The following TMEM42 variants were observed in gnomAD, a reference collection of about 807,000 sequenced individuals.
The protein encoded by TMEM42 is transmembrane protein 42.
In TMEM42, 8 loss-of-function variants were observed where a neutral mutation model predicts 14.0. The ratio of observed to expected loss-of-function variants is 0.57; its 90% CI spans 0.34 to 1.03. The LOEUF (loss-of-function observed/expected upper bound fraction) is 1.03, where lower values mean the gene tolerates loss of function less well. TMEM42 is among the 50% of genes least tolerant of loss of function. The pLI is 0.03. For synonymous variants in TMEM42, 115 were observed against 94.3 expected, an observed-to-expected ratio of 1.22 and a Z score of -1.27; for missense variants, 211 against 219.8, an observed-to-expected ratio of 0.96 and a Z score of 0.25.
intron 1 of TMEM42, chr3:44,863,077 A>G (rs930719066): frequency 6.6e-6 from 1 of 151,998 alleles, no homozygotes; most frequent in African/African-American, 2.4e-5. Context: ...CAAATTTAAA[A>G]CATGAATTTT....
At chr3:44,864,952 G>A (rs1366374258) in intron 2 of TMEM42, 88 bp from the exon 3 acceptor site, 2 of 1,551,960 alleles carry the variant, frequency 1.3e-6, no homozygotes, top group East Asian at 2.3e-5. Flanking sequence ...TTTCCTCCTG[G>A]CACCCTTAGA....
chr3:44,864,891 TTGA>T lies in TMEM42; in HGVS notation c.340-145_340-143del. ...TGCAGGGGAGATTGAATAGAGTGAC[TTGA>T]TGAAGGTGACAGCTAGGTTTCAAGC... On this transcript the variant is annotated intron_variant, in intron 2 of 2. Coordinates refer to ENST00000302392, the MANE Select transcript of TMEM42 (RefSeq NM_144638.3). 3.0e-6 allele frequency: 3 copies of T among 992,944 alleles called. No individual in the cohort carries two copies. In the South Asian group the frequency reaches 4.9e-5, roughly 16 times the overall value. The allele number at this position is 992,944 out of a possible 1,614,324, so 61.5% of individuals were successfully genotyped here. A position where few individuals can be genotyped will look rare whatever the true frequency, so the allele number is the denominator to read the frequency against.
Position 44,865,393 on chromosome 3 carries a change from T to A in TMEM42, c.*213T>A. The A allele has an allele frequency of 1.7e-6, 1 of 597,796 alleles. No individual in the cohort carries two copies. Among genetic ancestry groups the A allele is most frequent in the Non-Finnish European group, 2.8e-6 (1 of 352,142 alleles). 37.0% of individuals were successfully genotyped at this position (597,796 alleles called of 1,614,324 possible). Reference sequence around the variant, plus strand: ...GGAAGTGTTTTGATCATCTGTACAGTGCTTTGGATTCTTCCTCCCAGGCCT... The same window carrying A: ...GGAAGTGTTTTGATCATCTGTACAGAGCTTTGGATTCTTCCTCCCAGGCCT... On this transcript the variant is annotated 3_prime_UTR_variant, in exon 3 of 3. Transcript: ENST00000302392.
intron 2 of TMEM42, 37 bp downstream of exon 2, chr3:44,864,380 T>C (rs376739462): frequency 1.2e-6 from 2 of 1,612,420 alleles, no homozygotes; most frequent in African/African-American, 2.7e-5. Context: ...TTGTCCTAAA[T>C]CTGGGTTCTG....
intron 1 of TMEM42, chr3:44,863,825 C>T (rs971367046): frequency 8.9e-6 from 2 of 223,780 alleles, no homozygotes; most frequent in East Asian, 9.1e-5. Flanking sequence ...AGGCTTACTA[C>T]CTACGGAGTA....
chr3:44,862,311 C>CA (rs1559602025), intron 1 of TMEM42, 195 bp downstream of exon 1: 1 of 195,168 alleles, frequency 5.1e-6, no homozygotes, highest in Non-Finnish European at 9.4e-6. Flanking sequence ...GCTGGGGTGG[C>CA]AGAGAGTGTT....
intron 1 of TMEM42, chr3:44,863,306 C>CCA (rs1553668746): frequency 9.3e-6 from 1 of 107,006 alleles, no homozygotes; most frequent in Non-Finnish European, 2.2e-5. Context: ...CCGCACCCCC[C>CCA]CCCCCCGCCG....
chr3:44,862,299 C>A, intron 1 of TMEM42, 183 bp downstream of exon 1: 1 of 216,020 alleles, frequency 4.6e-6, no homozygotes, highest in Non-Finnish European at 8.0e-6. Context: ...GCGCTGCGGT[C>A]AGCTGGGGTG....
chr3:44,862,136 T>C lies in TMEM42; in HGVS notation c.192+20T>C. 4.9e-6 allele frequency: 1 copy of C among 202,072 alleles called. No individual in the cohort carries two copies. The highest frequency in any genetic ancestry group is 7.7e-6 in the Non-Finnish European group (1 of 129,044). 12.5% of individuals were successfully genotyped at this position (202,072 alleles called of 1,614,324 possible). On this transcript the variant is annotated intron_variant, in intron 1 of 2. Transcript: ENST00000302392. ...AGCGAGGTCGAGCCCGGGGCGCTGTTGGTGCTGCTGCTGCGGGCGGGCGGG... is the reference window on the plus strand; with the variant it reads ...AGCGAGGTCGAGCCCGGGGCGCTGTCGGTGCTGCTGCTGCGGGCGGGCGGG...
Position 44,863,307 on chromosome 3 carries a change from C to T in TMEM42, c.193-890C>T, listed in dbSNP as rs546090477. The T allele has an allele frequency of 1.8e-5, 2 of 108,890 alleles. 1 individual carries two copies. Among genetic ancestry groups the T allele is most frequent in the African/African-American group, 5.9e-5 (2 of 34,132 alleles). 6.7% of individuals were successfully genotyped at this position (108,890 alleles called of 1,614,324 possible). A position where few individuals can be genotyped will look rare whatever the true frequency, so the allele number is the denominator to read the frequency against. On this transcript the variant is annotated intron_variant, in intron 1 of 2. Coordinates refer to ENST00000302392, the MANE Select transcript of TMEM42 (RefSeq NM_144638.3). Reference sequence around the variant, plus strand: ...AGTATATTTAGATTCCGCACCCCCCCCCCCCGCCGCCTTGTCTCCAGGCAG... The same window carrying T: ...AGTATATTTAGATTCCGCACCCCCCTCCCCCGCCGCCTTGTCTCCAGGCAG...
At chr3:44,864,925 G>A in intron 2 of TMEM42, 115 bp from the exon 3 acceptor site, 1 of 1,400,150 alleles carries the variant, frequency 7.1e-7, no homozygotes, top group Non-Finnish European at 9.8e-7. Context: ...CAAGCCCAAG[G>A]CTTCTGGCTC....
Position 44,864,318 on chromosome 3 carries a change from T to C in TMEM42, c.314T>C (p.Val105Ala). 5.6e-6 allele frequency: 9 copies of C among 1,614,208 alleles called. No individual in the cohort carries two copies. The highest frequency in any genetic ancestry group is 7.6e-6 in the Non-Finnish European group (9 of 1,180,028). ...TCTTCAGCCATTGCATCTGTCACAGTGACTTTTTCAAATATCCTCAGCTCG... is the reference window on the plus strand; with the variant it reads ...TCTTCAGCCATTGCATCTGTCACAGCGACTTTTTCAAATATCCTCAGCTCG... ...SMSSAIASVT[V>A]TFSNILSSAF... Residue 105 changes from valine (V) to alanine (A), a missense_variant, in exon 2 of 3, where the codon GTG becomes GCG. By Grantham distance (64) the Val-to-Ala change is moderately conservative (BLOSUM62 0). Coordinates refer to ENST00000302392, the MANE Select transcript of TMEM42 (RefSeq NM_144638.3).
At position 44,865,473 on chromosome 3, in the gene TMEM42, A is replaced by C; in HGVS notation, c.*293A>C. On this transcript the variant is annotated 3_prime_UTR_variant, in exon 3 of 3. Transcript: ENST00000302392. ...ATCCTGGGGTTGGTCTGCTTTGTGT[A>C]TGGTACTTGAAACCACGCTGTAATT... The C allele has an allele frequency of 2.5e-6, 1 of 394,096 alleles. No individual in the cohort carries two copies. The highest frequency in any genetic ancestry group is 4.7e-6 in the Non-Finnish European group (1 of 212,062). The allele number at this position is 394,096 out of a possible 1,614,324, so 24.4% of individuals were successfully genotyped here.
In TMEM42 at chr3:44,861,987, C is replaced by G. The variant is rs1426431620; in HGVS notation, c.63C>G (p.Pro21=). ...AVSATAYPDT[P]AEFPPHLQAG... ...CCGCGACCGCGTACCCTGACACCCC[C>G]GCGGAATTCCCTCCGCACCTCCAGG... The change falls in exon 1 of 3, where the codon CCC becomes CCG. Residue 21 remains proline, a synonymous_variant. Transcript: ENST00000302392. 1 of 1,382,544 alleles carries G rather than the reference C, an allele frequency of 7.2e-7. No homozygotes were observed. Among genetic ancestry groups the G allele is most frequent in the African/African-American group, 1.5e-5 (1 of 65,906 alleles). The allele number at this position is 1,382,544 out of a possible 1,614,324, so 85.6% of individuals were successfully genotyped here. A position where few individuals can be genotyped will look rare whatever the true frequency, so the allele number is the denominator to read the frequency against.
chr3:44,863,593 G>T (rs904877552), intron 1 of TMEM42: 2 of 152,598 alleles, frequency 1.3e-5, no homozygotes, highest in African/African-American at 4.8e-5. Context: ...CTTTAGGAAG[G>T]TTACTTAATG....
At chr3:44,863,475 A>G (rs1699286120) in intron 1 of TMEM42, 1 of 152,156 alleles carries the variant, frequency 6.6e-6, no homozygotes, top group African/African-American at 2.4e-5. Context: ...GTCTGGGATC[A>G]CTAAATAGTC....
At chr3:44,862,255 C>T (rs1051732884) in intron 1 of TMEM42, 139 bp downstream of exon 1, 7 of 556,768 alleles carry the variant, frequency 1.3e-5, no homozygotes, top group African/African-American at 4.1e-5. Context: ...GCACCCTCGC[C>T]GGTCTGTCCC....
chr3:44,864,964 G>A, intron 2 of TMEM42, 76 bp from the exon 3 acceptor site: 1 of 1,583,338 alleles, frequency 6.3e-7, no homozygotes, highest in Non-Finnish European at 8.6e-7. Context: ...ACCCTTAGAA[G>A]GAAGTCAGTC....
chr3:44,863,649 A>C, intron 1 of TMEM42: 1 of 153,056 alleles, frequency 6.5e-6, no homozygotes, highest in Non-Finnish European at 1.5e-5. Context: ...ATAAATGAGA[A>C]TGCTTAAACA....
Sources: gnomAD v4.1 joint callset for allele counts on GRCh38, gnomAD v4.1.1 for gene constraint, MANE v1.5 for transcripts, NCBI Gene and HGNC (gene_info 2026-07-23, HGNC 2026-07-21) for gene names.